ST8SIA4: variants seen among roughly 807,000 people sequenced by gnomAD.
The protein encoded by ST8SIA4 is ST8 alpha-N-acetyl-neuraminide alpha-2,8-sialyltransferase 4, also known as CMP-N-acetylneuraminate-poly-alpha-2,8-sialyltransferase.
ST8SIA4 carries 15 observed loss-of-function variants against 33.9 expected under a neutral mutation model. The observed-to-expected ratio is 0.44, with a 90% CI of 0.30 to 0.68. The LOEUF is 0.68. ST8SIA4 is among the 30% of genes least tolerant of loss of function. ST8SIA4 has a pLI of 0.10. For missense variants in ST8SIA4, 321 were observed against 428.0 expected (o/e 0.75, Z 2.21); for synonymous variants, 171 against 151.2 (o/e 1.13, Z -0.96).
intron 2 of ST8SIA4, chr5:100,890,560 A>G (rs1023533206): frequency 6.6e-6 from 1 of 151,924 alleles, no homozygotes; most frequent in South Asian, 2.1e-4. Context: ...AATGCTTAAT[A>G]TGCATGCTTT....
chr5:100,821,019 A>C (rs1374260157), intron 4 of ST8SIA4, among the ~76,000 whole-genome samples: 4 of 152,138 alleles, frequency 2.6e-5, no homozygotes, highest in Non-Finnish European at 5.9e-5. Context: ...CTAAACTTGC[A>C]GAATGAAGAA....
chr5:100,836,412 G>A (rs968776074), intron 4 of ST8SIA4, among the ~76,000 whole-genome samples: 1 of 151,934 alleles, frequency 6.6e-6, no homozygotes, highest in Admixed American at 6.6e-5. Flanking sequence ...ATTTGGCCAT[G>A]GTTGAATGCT....
chr5:100,829,443 C>G (rs1237691661), intron 4 of ST8SIA4, among the ~76,000 whole-genome samples: 1 of 152,060 alleles, frequency 6.6e-6, no homozygotes, highest in Non-Finnish European at 1.5e-5. Flanking sequence ...TTTACTTGAA[C>G]TTTTTTCCTT....
rs372874718 is a variant in ST8SIA4 at position 100,861,629 on chromosome 5, T to C, written c.504-5233A>G. On this transcript the variant is annotated intron_variant, in intron 3 of 4. Coordinates refer to ENST00000231461, the MANE Select transcript of ST8SIA4 (RefSeq NM_005668.6). ...ATGTTAAATATATACCTCATATTTATCCAAATTTGGCTTAAACTTTAAGAA... is the reference window on the plus strand; with the variant it reads ...ATGTTAAATATATACCTCATATTTACCCAAATTTGGCTTAAACTTTAAGAA... Among the ~76,000 whole-genome samples the C allele has an allele frequency of 5.6e-4, 86 of 152,306 alleles. 1 individual carries two copies. In the South Asian group the frequency reaches 0.017, roughly 30 times the overall value.
rs1458679842 is a variant in ST8SIA4, at chr5:100,808,231, A to G, written c.*3616T>C. The G allele has an allele frequency of 6.6e-6, 1 of 152,636 alleles. No homozygotes were observed. Among genetic ancestry groups the G allele is most frequent in the Non-Finnish European group, 1.5e-5 (1 of 68,026 alleles). The allele number at this position is 152,636 out of a possible 1,614,324, so 9.5% of individuals were successfully genotyped here. On this transcript the variant is annotated 3_prime_UTR_variant, in exon 5 of 5. Coordinates refer to ENST00000231461, the MANE Select transcript of ST8SIA4 (RefSeq NM_005668.6). ...AATTGGTATGTACACTACCCCTAGCATTACTTAAATAAATTGCTTTTGTAA... is the reference window on the plus strand; with the variant it reads ...AATTGGTATGTACACTACCCCTAGCGTTACTTAAATAAATTGCTTTTGTAA...
intron 3 of ST8SIA4, among the ~76,000 whole-genome samples, chr5:100,883,373 C>T (rs966317297): frequency 2.0e-5 from 3 of 152,240 alleles, no homozygotes; most frequent in African/African-American, 7.2e-5. Context: ...ACTGTACTCC[C>T]ATTGTATCTA....
intron 4 of ST8SIA4, among the ~76,000 whole-genome samples, chr5:100,831,524 C>T (rs1392357961): frequency 6.6e-6 from 1 of 151,992 alleles, no homozygotes; most frequent in Non-Finnish European, 1.5e-5. Context: ...TAAAAAAAGA[C>T]TTATAAAACC....
intron 2 of ST8SIA4, among the ~76,000 whole-genome samples, chr5:100,891,862 C>A (rs1050071650): frequency 6.6e-6 from 1 of 151,990 alleles, no homozygotes. Context: ...TTAGCTCTAT[C>A]GGTAACTTAT....
intron 3 of ST8SIA4, among the ~76,000 whole-genome samples, chr5:100,872,875 TAAAAAAAAAAAAA>T (rs550303574): frequency 7.6e-6 from 1 of 132,438 alleles, no homozygotes; most frequent in Non-Finnish European, 1.6e-5. Context: ...AGATATGGGC[TAAAAAAAAAAAAA>T]AAAAAAATCA....
intron 4 of ST8SIA4, among the ~76,000 whole-genome samples, chr5:100,851,269 G>A (rs1751693052): frequency 6.6e-6 from 1 of 151,606 alleles, no homozygotes. Flanking sequence ...CCTATTGTAA[G>A]CTTTACATTA....
At chr5:100,885,283 T>C in intron 3 of ST8SIA4, 1 of 833,812 alleles carries the variant, frequency 1.2e-6, no homozygotes, top group Non-Finnish European at 1.4e-6. Flanking sequence ...TCTCTGACCC[T>C]TCACCCAAGA....
intron 3 of ST8SIA4, among the ~76,000 whole-genome samples, chr5:100,864,513 T>C (rs549968307): frequency 2.1e-5 from 3 of 142,050 alleles, no homozygotes; most frequent in East Asian, 2.1e-4. Context: ...AGTTGGAGCT[T>C]GCAGTGAGCC....
intron 3 of ST8SIA4, among the ~76,000 whole-genome samples, chr5:100,883,161 A>G (rs1419822813): frequency 2.0e-5 from 3 of 152,224 alleles, no homozygotes; most frequent in African/African-American, 4.8e-5. Flanking sequence ...TATCCTGCAA[A>G]GCCACAGAGG....
At chr5:100,843,307 T>A (rs1474271530) in intron 4 of ST8SIA4, among the ~76,000 whole-genome samples, 3 of 151,904 alleles carry the variant, frequency 2.0e-5, no homozygotes, top group Non-Finnish European at 2.9e-5. Flanking sequence ...AACAATTTGA[T>A]GTTGACAATA....
At chr5:100,873,219 G>A (rs959444240) in intron 3 of ST8SIA4, among the ~76,000 whole-genome samples, 4 of 152,092 alleles carry the variant, frequency 2.6e-5, no homozygotes, top group Admixed American at 2.0e-4. Flanking sequence ...GAGGAAAGTA[G>A]TCAAGGAGAG....
intron 3 of ST8SIA4, among the ~76,000 whole-genome samples, chr5:100,873,422 G>A (rs1361878104): frequency 1.3e-5 from 2 of 152,080 alleles, no homozygotes; most frequent in African/African-American, 2.4e-5. Context: ...AAAAAAAAAT[G>A]TTATGTAGCT....
chr5:100,817,035 C>G (rs10478598), intron 4 of ST8SIA4, among the ~76,000 whole-genome samples: 42,519 of 149,438 alleles, frequency 0.28, 6,393 homozygotes, highest in Non-Finnish European at 0.33. Context: ...CTCTGCCTCC[C>G]GGGTTGAAAC....
intron 3 of ST8SIA4, among the ~76,000 whole-genome samples, chr5:100,863,844 A>G (rs1171416550): frequency 6.6e-6 from 1 of 152,228 alleles, no homozygotes; most frequent in Non-Finnish European, 1.5e-5. Flanking sequence ...TTATCCCAGG[A>G]CTTCAGCTAC....
At chr5:100,876,930 C>T (rs1752319689) in intron 3 of ST8SIA4, among the ~76,000 whole-genome samples, 2 of 151,864 alleles carry the variant, frequency 1.3e-5, no homozygotes, top group African/African-American at 4.8e-5. Flanking sequence ...TGAAATACCC[C>T]ATTAAAAGCA....
Sources: gnomAD v4.1 joint callset for allele counts (sites outside exome capture counted in the v4.1 genomes callset) on GRCh38, gnomAD v4.1.1 for gene constraint, MANE v1.5 for transcripts, NCBI Gene and HGNC (gene_info 2026-07-23, HGNC 2026-07-21) for gene names.